The following DNAH5 variants were observed in gnomAD, a reference collection of about 807,000 sequenced individuals.
DNAH5 encodes the protein axonemal beta dynein heavy chain 5.
A neutral mutation model predicts 518.2 loss-of-function variants in DNAH5; 372 were observed. The ratio of observed to expected loss-of-function variants is 0.72; its 90% CI spans 0.66 to 0.78. DNAH5 has a LOEUF of 0.78. Ranked by LOEUF, DNAH5 falls within the 30% of genes least tolerant of loss-of-function variation. DNAH5 has a pLI of 0.00. For synonymous variants in DNAH5, 2,039 were observed against 2,025.9 expected (o/e 1.01, Z -0.17); for missense variants, 5,523 against 5,687.0 (o/e 0.97, Z 0.93).
At chr5:13,801,157 T>G (rs1240931415) in intron 47 of DNAH5, among the ~76,000 whole-genome samples, 1 of 152,170 alleles carries the variant, frequency 6.6e-6, no homozygotes, top group Non-Finnish European at 1.5e-5. Flanking sequence ...AGGTGAGGCC[T>G]GGTGGGAGGT....
rs544007070 is a variant in DNAH5 at position 13,793,197 on chromosome 5, C to T, written c.8224+318G>A. Among the ~76,000 whole-genome samples the T allele has an allele frequency of 3.9e-5, 6 of 152,244 alleles. No individual in the cohort carries two copies. The East Asian group carries it at 7.7e-4, about 20-fold the overall frequency. On this transcript the variant is annotated intron_variant, in intron 49 of 78. Transcript: ENST00000265104. ...GCAATCCAGACCTCAAAACTATGTG[C>T]CCATGAGGAAACAACCTCATGTATG... is the stretch of plus-strand genomic sequence containing the variant.
chr5:13,950,643 C>T (rs766908573), intron 1 of DNAH5, among the ~76,000 whole-genome samples: 64 of 152,152 alleles, frequency 4.2e-4, no homozygotes, highest in Non-Finnish European at 7.5e-4. Context: ...ACACAAAGCT[C>T]ATGGGTTGTG....
In DNAH5 at chr5:13,845,114, T is replaced by C. The variant is rs918932739; in HGVS notation, c.5115-121A>G. The stretch of plus-strand genomic sequence containing the variant: ...GTGACTTGTGACAATCTGATTTTCC[T>C]ACGTGACTTCTCACTGTTTTTAATT... On this transcript the variant is annotated intron_variant, in intron 31 of 78. Transcript: ENST00000265104. 1.5e-5 allele frequency: 14 copies of C among 910,642 alleles called. No homozygotes were observed. In the Admixed American group the frequency reaches 3.3e-4, roughly 22 times the overall value. The allele number at this position is 910,642 out of a possible 1,614,324, so 56.4% of individuals were successfully genotyped here. A position where few individuals can be genotyped will look rare whatever the true frequency, so the allele number is the denominator to read the frequency against.
At position 13,863,886 on chromosome 5, in the gene DNAH5, G is replaced by A. The variant is rs185259672; in HGVS notation, c.4596+511C>T. Among the ~76,000 whole-genome samples, 15 of 152,126 alleles carry A rather than the reference G, an allele frequency of 9.9e-5. No individual in the cohort carries two copies. The East Asian group carries it at 1.5e-3, about 16-fold the overall frequency. On this transcript the variant is annotated intron_variant, in intron 28 of 78. Transcript: ENST00000265104. ...TGTCTCCTCTCTGCCCTGCCTCCAC[G>A]CCTCAGCCACATGGGCCTTCTTCTG...
intron 1 of DNAH5, among the ~76,000 whole-genome samples, chr5:13,939,890 T>C (rs1436930220): frequency 6.6e-6 from 1 of 152,174 alleles, no homozygotes; most frequent in African/African-American, 2.4e-5. Context: ...GGTGCTTTAG[T>C]GAAGCCCTCC....
chr5:13,972,152 T>C (rs1781916910), intron 1 of DNAH5, among the ~76,000 whole-genome samples: 1 of 152,150 alleles, frequency 6.6e-6, no homozygotes, highest in Non-Finnish European at 1.5e-5. Context: ...GCTCGAAAGC[T>C]AGTCTCACTC....
chr5:13,810,252 G>T lies in DNAH5; in HGVS notation c.7416C>A (p.Gly2472=). Residue 2472 remains glycine (G), a synonymous_variant, in exon 45 of 79, where the codon GGC becomes GGA. Coordinates refer to ENST00000265104, the MANE Select transcript of DNAH5 (RefSeq NM_001369.3). ...CCAGGTGAGCCTGGCTCACCTCCCC[G>T]CCTTGCTCCTGAGAAGGAAAGACAC... ...LQGLIPLKEQ[G]GEVSQAHLGR... 1 of 1,550,388 alleles carries T rather than the reference G, an allele frequency of 6.4e-7. No individual in the cohort carries two copies. Among genetic ancestry groups the T allele is most frequent in the African/African-American group, 1.4e-5 (1 of 73,166 alleles).
chr5:13,941,364 G>GA (rs577904909), intron 1 of DNAH5, among the ~76,000 whole-genome samples: 11 of 151,728 alleles, frequency 7.2e-5, no homozygotes, highest in African/African-American at 1.5e-4. Context: ...TCTAAAAATG[G>GA]AAAAAAAATT....
intron 78 of DNAH5, among the ~76,000 whole-genome samples, chr5:13,696,202 C>T (rs1741369252): frequency 1.3e-5 from 2 of 152,202 alleles, no homozygotes; most frequent in African/African-American, 4.8e-5. Context: ...CCTCGTCCCT[C>T]GCAAATGTTC....
At chr5:13,736,366 CCTCT>C (rs1489332525) in intron 66 of DNAH5, among the ~76,000 whole-genome samples, 2 of 152,020 alleles carry the variant, frequency 1.3e-5, no homozygotes, top group African/African-American at 4.8e-5. Context: ...GATGCTTCTG[CCTCT>C]CTAACAATAA....
chr5:13,891,008 G>A lies in DNAH5; in HGVS notation c.2545C>T (p.Leu849=), dbSNP rs1773146294. 6.2e-7 allele frequency: 1 copy of A among 1,614,188 alleles called. No individual in the cohort carries two copies. The highest frequency in any genetic ancestry group is 8.5e-7 in the Non-Finnish European group (1 of 1,180,004). The change falls in exon 17 of 79, where the codon CTA becomes TTA. Residue 849 remains leucine, a synonymous_variant. Transcript: ENST00000265104. ...ATTTGGAGAAACTCTTCACAGGTTA[G>A]TGGCTCCTCCTGGGGAAGCTGACAA... is the stretch of plus-strand genomic sequence containing the variant. ...PLCQLPQEEP[L]TCEEFLQMTK... is the part of the protein sequence containing the mutation.
At chr5:13,741,969 A>G (rs963591969) in intron 65 of DNAH5, among the ~76,000 whole-genome samples, 1 of 152,148 alleles carries the variant, frequency 6.6e-6, no homozygotes, top group Non-Finnish European at 1.5e-5. Flanking sequence ...TGGCTGGATT[A>G]TGATAACTGC....
intron 75 of DNAH5, among the ~76,000 whole-genome samples, chr5:13,713,054 G>A (rs923572708): frequency 1.3e-5 from 2 of 151,048 alleles, no homozygotes; most frequent in Non-Finnish European, 2.9e-5. Flanking sequence ...CTGCAAAATC[G>A]TGGAACCAAC....
intron 1 of DNAH5, among the ~76,000 whole-genome samples, chr5:14,001,090 C>A (rs10057381): frequency 1.3e-5 from 2 of 151,830 alleles, no homozygotes; most frequent in African/African-American, 4.8e-5. Flanking sequence ...GAGTTAAACA[C>A]TGGGTACACA....
chr5:13,943,234 T>G (rs1458686843), intron 1 of DNAH5, among the ~76,000 whole-genome samples: 1 of 152,186 alleles, frequency 6.6e-6, no homozygotes, highest in Non-Finnish European at 1.5e-5. Context: ...CACAAGCATA[T>G]ATTAAGGACC....
intron 31 of DNAH5, among the ~76,000 whole-genome samples, chr5:13,848,073 G>C (rs1766289060): frequency 6.6e-6 from 1 of 152,184 alleles, no homozygotes; most frequent in Non-Finnish European, 1.5e-5. Flanking sequence ...TGCCTGAACT[G>C]CATTTGGTCA....
intron 55 of DNAH5, among the ~76,000 whole-genome samples, chr5:13,775,554 C>T (rs1209988711): frequency 1.3e-5 from 2 of 151,960 alleles, no homozygotes; most frequent in African/African-American, 2.4e-5. Context: ...AGACAGACAA[C>T]CTAGGTTTCA....
chr5:13,699,243 A>G (rs150806031), intron 78 of DNAH5, among the ~76,000 whole-genome samples: 1 of 152,262 alleles, frequency 6.6e-6, no homozygotes, highest in East Asian at 1.9e-4. Context: ...TTTCTTTCTG[A>G]GCACCTCTTT....
At chr5:13,718,832 C>A (rs774504109) in intron 72 of DNAH5, 50 bp downstream of exon 72, 36 of 1,477,596 alleles carry the variant, frequency 2.4e-5, no homozygotes, top group Non-Finnish European at 3.1e-5. Flanking sequence ...TTTAGGAAAA[C>A]AATTTAAGTA....
Sources: gnomAD v4.1 joint callset for allele counts (sites outside exome capture counted in the v4.1 genomes callset) on GRCh38, gnomAD v4.1.1 for gene constraint, MANE v1.5 for transcripts, NCBI Gene and HGNC (gene_info 2026-07-23, HGNC 2026-07-21) for gene names.